CYFIP1: variants seen among roughly 807,000 people sequenced by gnomAD.
The protein encoded by CYFIP1 is cytoplasmic FMR1-interacting protein 1.
CYFIP1 carries 58 observed loss-of-function variants against 163.5 expected under a neutral mutation model. The ratio of observed to expected loss-of-function variants is 0.35; its 90% CI spans 0.29 to 0.44. CYFIP1 has a LOEUF of 0.44. CYFIP1 is among the 20% of genes least tolerant of loss of function. The pLI is 1.00. For synonymous variants in CYFIP1, 663 were observed against 660.7 expected (o/e 1.00, Z -0.05); for missense variants, 1,338 against 1,653.8 (o/e 0.81, Z 3.31).
chr15:22,960,910 G>C (rs1039886748), intron 1 of CYFIP1, among the ~76,000 whole-genome samples: 10 of 152,234 alleles, frequency 6.6e-5, no homozygotes, highest in African/African-American at 2.4e-4. Context: ...ACAAGGTGGA[G>C]CCGGACAGTA....
chr15:22,894,083 C>T (rs1006866908), intron 22 of CYFIP1, among the ~76,000 whole-genome samples: 4 of 152,054 alleles, frequency 2.6e-5, no homozygotes, highest in African/African-American at 7.3e-5. Flanking sequence ...TGCAAAGCCA[C>T]GGCACACTCA....
chr15:22,879,766 G>C, intron 26 of CYFIP1, 147 bp downstream of exon 26: 1 of 609,198 alleles, frequency 1.6e-6, no homozygotes, highest in Non-Finnish European at 2.9e-6. Flanking sequence ...TCAAACTAAA[G>C]TCTCAACAGC....
At chr15:22,966,056 C>T (rs896420866) in intron 1 of CYFIP1, among the ~76,000 whole-genome samples, 1 of 151,888 alleles carries the variant, frequency 6.6e-6, no homozygotes, top group Admixed American at 6.6e-5. Flanking sequence ...CCTTATAAGA[C>T]AAGGAGATTA....
intron 22 of CYFIP1, among the ~76,000 whole-genome samples, chr15:22,894,241 C>G (rs1311416402): frequency 6.6e-6 from 1 of 150,570 alleles, no homozygotes; most frequent in South Asian, 2.1e-4. Flanking sequence ...GAGCCAAGCG[C>G]CAGGATATGA....
intron 30 of CYFIP1, 91 bp from the exon 31 acceptor site, chr15:22,870,283 G>GA (rs2059394038): frequency 7.7e-6 from 11 of 1,435,576 alleles, no homozygotes; most frequent in Middle Eastern, 1.8e-4. Context: ...TATTTTCTCA[G>GA]AAAAATAATA....
At chr15:22,908,518 C>CTTTTTTTTTTTTTTTTTT (rs58565266) in intron 21 of CYFIP1, among the ~76,000 whole-genome samples, 2 of 75,490 alleles carry the variant, frequency 2.6e-5, no homozygotes, top group African/African-American at 1.2e-4. Flanking sequence ...GAAGATATTT[C>CTTTTTTTTTTTTTTTTTT]TTTTTTTTTT....
chr15:22,949,076 T>C (rs1008887552), intron 1 of CYFIP1, among the ~76,000 whole-genome samples: 1 of 152,062 alleles, frequency 6.6e-6, no homozygotes, highest in African/African-American at 2.4e-5. Flanking sequence ...GCTCTATGGA[T>C]CCCAAACAAG....
At chr15:22,890,515 T>G (rs2060048771) in intron 23 of CYFIP1, among the ~76,000 whole-genome samples, 1 of 152,130 alleles carries the variant, frequency 6.6e-6, no homozygotes, top group African/African-American at 2.4e-5. Flanking sequence ...ACTGCATTCT[T>G]GGCGCCTGGG....
Position 22,908,451 on chromosome 15 carries a change from A to T in CYFIP1, c.2388+743T>A, listed in dbSNP as rs117582834. Among the ~76,000 whole-genome samples, 41 of 151,812 alleles carry T rather than the reference A, an allele frequency of 2.7e-4. 1 individual carries two copies. In the East Asian group the frequency reaches 7.2e-3, roughly 27 times the overall value. On this transcript the variant is annotated intron_variant, in intron 21 of 30. Coordinates refer to ENST00000617928, the MANE Select transcript of CYFIP1 (RefSeq NM_014608.6). ...GAGATGAATTCAGACAGCCAAGCGAAATGTAGGGGTAGAAGAATTAGCAGG... is the reference window on the plus strand; with the variant it reads ...GAGATGAATTCAGACAGCCAAGCGATATGTAGGGGTAGAAGAATTAGCAGG...
intron 23 of CYFIP1, among the ~76,000 whole-genome samples, chr15:22,890,566 A>C (rs2060050079): frequency 6.6e-6 from 1 of 152,224 alleles, no homozygotes; most frequent in Non-Finnish European, 1.5e-5. Flanking sequence ...ACACAGCCAC[A>C]TGAAGCCCAG....
chr15:22,875,564 C>A (rs1186867363), intron 26 of CYFIP1: 3 of 318,120 alleles, frequency 9.4e-6, no homozygotes, highest in Non-Finnish European at 1.8e-5. Context: ...CAGGTAAGAC[C>A]CAGTGTTGAA....
Position 22,868,617 on chromosome 15 carries a change from A to G in CYFIP1, c.*1411T>C, listed in dbSNP as rs992429393. Reference sequence around the variant, plus strand: ...GGGAACTTTTTATAAAGAAAGAATAATTGTTTGTTAGGCTTCATGTCACTT... The same window carrying G: ...GGGAACTTTTTATAAAGAAAGAATAGTTGTTTGTTAGGCTTCATGTCACTT... On this transcript the variant is annotated 3_prime_UTR_variant, in exon 31 of 31. Coordinates refer to ENST00000617928, the MANE Select transcript of CYFIP1 (RefSeq NM_014608.6). 4 of 151,926 alleles carry G rather than the reference A, an allele frequency of 2.6e-5. No individual in the cohort carries two copies. Among genetic ancestry groups the G allele is most frequent in the African/African-American group, 9.7e-5 (4 of 41,320 alleles). 9.4% of individuals were successfully genotyped at this position (151,926 alleles called of 1,614,324 possible). A position where few individuals can be genotyped will look rare whatever the true frequency, so the allele number is the denominator to read the frequency against.
At chr15:22,974,984 C>T (rs1444883368) in intron 1 of CYFIP1, among the ~76,000 whole-genome samples, 1 of 152,032 alleles carries the variant, frequency 6.6e-6, no homozygotes, top group Non-Finnish European at 1.5e-5. Context: ...CCTCCTTGGC[C>T]TGCTCACTGT....
At chr15:22,919,733 C>G (rs2061112241) in intron 13 of CYFIP1, among the ~76,000 whole-genome samples, 1 of 152,098 alleles carries the variant, frequency 6.6e-6, no homozygotes, top group South Asian at 2.1e-4. Flanking sequence ...TCTTAACAAC[C>G]CTTCTTTGGC....
At chr15:22,978,914 A>C (rs1440593247) in intron 1 of CYFIP1, among the ~76,000 whole-genome samples, 1 of 152,174 alleles carries the variant, frequency 6.6e-6, no homozygotes. Context: ...GAGTATCCTG[A>C]CTGCGGTGGA....
In CYFIP1 at chr15:22,867,232, T is replaced by C. The variant is rs2059157242; in HGVS notation, c.*2796A>G. 1.5e-5 allele frequency: 6 copies of C among 404,218 alleles called. No homozygotes were observed. The highest frequency in any genetic ancestry group is 1.2e-4 in the South Asian group (1 of 8,378). The allele number at this position is 404,218 out of a possible 1,614,324, so 25.0% of individuals were successfully genotyped here. On this transcript the variant is annotated 3_prime_UTR_variant, in exon 31 of 31. Transcript: ENST00000617928. ...CAATCCCTGACCATGTAAGGCTTTTTTATTTTAAAAAAACAGAGTTATCCC... is the reference window on the plus strand; with the variant it reads ...CAATCCCTGACCATGTAAGGCTTTTCTATTTTAAAAAAACAGAGTTATCCC...
At chr15:22,968,371 A>C (rs1427877988) in intron 1 of CYFIP1, among the ~76,000 whole-genome samples, 1 of 152,120 alleles carries the variant, frequency 6.6e-6, no homozygotes, top group Non-Finnish European at 1.5e-5. Flanking sequence ...GCCTCATCCA[A>C]CCAGTGCAGG....
At chr15:22,893,101 T>C (rs955313441) in intron 22 of CYFIP1, 124 bp from the exon 23 acceptor site, 1 of 683,572 alleles carries the variant, frequency 1.5e-6, no homozygotes, top group Admixed American at 2.6e-5. Flanking sequence ...AATCATCAAA[T>C]AGGAAAATTC....
intron 10 of CYFIP1, 112 bp downstream of exon 10, chr15:22,933,690 A>G: frequency 1.3e-6 from 1 of 744,398 alleles, no homozygotes; most frequent in South Asian, 1.8e-5. Context: ...ATTTAATTCC[A>G]GGCTGAGAAT....
Sources: gnomAD v4.1 joint callset for allele counts (sites outside exome capture counted in the v4.1 genomes callset) on GRCh38, gnomAD v4.1.1 for gene constraint, MANE v1.5 for transcripts, NCBI Gene and HGNC (gene_info 2026-07-23, HGNC 2026-07-21) for gene names.